Variants in POFUT3 observed in about 807,000 individuals in gnomAD.
The protein encoded by POFUT3 is protein O-fucosyltransferase 3.
At chr8:33,409,320 C>T in the POFUT3 span, among the ~76,000 whole-genome samples, 1 of 152,104 alleles carries the variant, frequency 6.6e-6, no homozygotes, top group Non-Finnish European at 1.5e-5. Flanking sequence ...CCAGGCTTGT[C>T]TCGAACCCCT....
chr8:33,309,475 T>C, the POFUT3 span, among the ~76,000 whole-genome samples: 1 of 151,432 alleles, frequency 6.6e-6, no homozygotes, highest in African/African-American at 2.4e-5. Flanking sequence ...GAAAATGCCA[T>C]TAGAATTTCC....
the POFUT3 span, among the ~76,000 whole-genome samples, chr8:33,387,721 T>A: frequency 1.3e-5 from 2 of 152,148 alleles, no homozygotes; most frequent in Non-Finnish European, 2.9e-5. Flanking sequence ...CAAGAATTGC[T>A]TGAACCTGGG....
the POFUT3 span, among the ~76,000 whole-genome samples, chr8:33,351,348 C>G: frequency 6.6e-6 from 1 of 152,034 alleles, no homozygotes; most frequent in Non-Finnish European, 1.5e-5. Context: ...AATTTGGTCC[C>G]CAGTGTTGGA....
chr8:33,346,104 C>T, the POFUT3 span, among the ~76,000 whole-genome samples: 2 of 147,672 alleles, frequency 1.4e-5, no homozygotes, highest in East Asian at 2.0e-4. Context: ...GGATTACAGG[C>T]GTGAGCCACC....
the POFUT3 span, among the ~76,000 whole-genome samples, chr8:33,420,831 T>C: frequency 6.6e-6 from 1 of 151,512 alleles, no homozygotes; most frequent in Non-Finnish European, 1.5e-5. Flanking sequence ...AAAAGATAGA[T>C]GTTTGAGATG....
chr8:33,428,078 C>A, the POFUT3 span, among the ~76,000 whole-genome samples: 1 of 152,066 alleles, frequency 6.6e-6, no homozygotes. Context: ...GAGCCAAGAT[C>A]GCAACAGTGC....
chr8:33,374,374 C>T, the POFUT3 span, among the ~76,000 whole-genome samples: 30 of 152,164 alleles, frequency 2.0e-4, 2 homozygotes, highest in South Asian at 3.9e-3. Flanking sequence ...TTAGACAAAC[C>T]GTATGAAGGG....
the POFUT3 span, among the ~76,000 whole-genome samples, chr8:33,311,983 T>G: frequency 6.6e-6 from 1 of 152,052 alleles, no homozygotes; most frequent in Non-Finnish European, 1.5e-5. Context: ...AGAGAGAAAT[T>G]TGGCCAGGCA....
chr8:33,423,818 TAAAAAAAAA>T, the POFUT3 span, among the ~76,000 whole-genome samples: 31 of 70,132 alleles, frequency 4.4e-4, no homozygotes, highest in African/African-American at 1.6e-3. Context: ...GCACACCAAG[TAAAAAAAAA>T]AAAAAAAAAA....
At chr8:33,435,757 C>T in the POFUT3 span, among the ~76,000 whole-genome samples, 1 of 152,090 alleles carries the variant, frequency 6.6e-6, no homozygotes, top group African/African-American at 2.4e-5. Flanking sequence ...CTCAGGTGAT[C>T]TACCCACCTC....
the POFUT3 span, among the ~76,000 whole-genome samples, chr8:33,309,498 G>A: frequency 6.6e-6 from 1 of 151,958 alleles, no homozygotes; most frequent in South Asian, 2.1e-4. Flanking sequence ...GTGGAAGGAA[G>A]ATTGGATCAG....
the POFUT3 span, among the ~76,000 whole-genome samples, chr8:33,326,701 T>C: frequency 6.6e-6 from 1 of 152,122 alleles, no homozygotes; most frequent in Non-Finnish European, 1.5e-5. Flanking sequence ...TTGCCTGACT[T>C]TAGAGATGGG....
At chr8:33,468,909 T>C in the POFUT3 span, among the ~76,000 whole-genome samples, 2 of 152,148 alleles carry the variant, frequency 1.3e-5, no homozygotes, top group South Asian at 2.1e-4. Context: ...GTTCTGGTAA[T>C]TGGGAGTCAA....
chr8:33,426,621 T>C, the POFUT3 span, among the ~76,000 whole-genome samples: 100 of 152,192 alleles, frequency 6.6e-4, 2 homozygotes, highest in Non-Finnish European at 5.9e-5. Context: ...TTCAATCCGA[T>C]CTAAGGCAAA....
the POFUT3 span, among the ~76,000 whole-genome samples, chr8:33,442,300 TGG>T: frequency 3.4e-4 from 43 of 124,712 alleles, no homozygotes; most frequent in African/African-American, 3.0e-4. Flanking sequence ...CTTTTTTTTT[TGG>T]GGGGGGACAG....
the POFUT3 span, among the ~76,000 whole-genome samples, chr8:33,439,272 G>A: frequency 5.9e-5 from 9 of 152,024 alleles, no homozygotes; most frequent in East Asian, 5.8e-4. Flanking sequence ...GCATGGTGGC[G>A]TGTGCCTGTA....
chr8:33,471,956 T>C, the POFUT3 span, among the ~76,000 whole-genome samples: 3 of 152,328 alleles, frequency 2.0e-5, no homozygotes, highest in East Asian at 5.8e-4. Flanking sequence ...GCTGCTAGAT[T>C]GGAGGCAGTG....
At chr8:33,410,537 C>T in the POFUT3 span, among the ~76,000 whole-genome samples, 10 of 152,100 alleles carry the variant, frequency 6.6e-5, no homozygotes, top group Non-Finnish European at 7.4e-5. Flanking sequence ...CAGACGTTTG[C>T]ACTGAACATT....
At chr8:33,443,378 C>T in the POFUT3 span, among the ~76,000 whole-genome samples, 3 of 152,168 alleles carry the variant, frequency 2.0e-5, no homozygotes, top group Non-Finnish European at 2.9e-5. Context: ...TCCCTACTCC[C>T]GATTTTCACA....
Sources: gnomAD v4.1 joint callset for allele counts (sites outside exome capture counted in the v4.1 genomes callset) on GRCh38, gnomAD v4.1.1 for gene constraint, MANE v1.5 for transcripts, NCBI Gene and HGNC (gene_info 2026-07-23, HGNC 2026-07-21) for gene names.